PHTF2: variants seen among roughly 807,000 people sequenced by gnomAD.
The protein encoded by PHTF2 is protein PHTF2.
In PHTF2, 60 loss-of-function variants were observed where a neutral mutation model predicts 101.2. The ratio of observed to expected loss-of-function variants is 0.59; its 90% CI spans 0.48 to 0.73. PHTF2 has a LOEUF of 0.73. Ranked by LOEUF, PHTF2 falls within the 30% of genes least tolerant of loss-of-function variation. The pLI, the probability that PHTF2 is intolerant of heterozygous loss-of-function variation, is 0.00. For missense variants in PHTF2, 747 were observed against 908.7 expected (o/e 0.82, Z 2.29); for synonymous variants, 311 against 307.3 (o/e 1.01, Z -0.13).
rs191006484 is a variant in PHTF2, at chr7:77,814,896, G to A, written c.-36+15925G>A. ...TCATGACCAGCCTGGCCAACTTGGT[G>A]AAACCTTTTCTCTACTAAAAATACC... On this transcript the variant is annotated intron_variant, in intron 1 of 19. Coordinates refer to ENST00000416283, the Ensembl canonical transcript of PHTF2. Among the ~76,000 whole-genome samples, 72 of 152,070 alleles carry A rather than the reference G, an allele frequency of 4.7e-4. 1 individual carries two copies. Among genetic ancestry groups the A allele is most frequent in the Admixed American group, 4.7e-3 (72 of 15,270 alleles).
chr7:77,905,095 A>C (rs1328472754), intron 7 of PHTF2, among the ~76,000 whole-genome samples: 1 of 152,186 alleles, frequency 6.6e-6, no homozygotes, highest in Non-Finnish European at 1.5e-5. Flanking sequence ...AAGCCAAAAG[A>C]TTGGATACCC....
intron 1 of PHTF2, among the ~76,000 whole-genome samples, chr7:77,830,494 G>A (rs1186450215): frequency 6.6e-6 from 1 of 152,128 alleles, no homozygotes; most frequent in East Asian, 1.9e-4. Context: ...TCTGAGCTCT[G>A]CCTCCTGTCA....
At chr7:77,811,712 T>TACTA (rs1793456521) in intron 1 of PHTF2, among the ~76,000 whole-genome samples, 2 of 152,218 alleles carry the variant, frequency 1.3e-5, no homozygotes, top group Non-Finnish European at 2.9e-5. Context: ...AATCATCTGG[T>TACTA]ACTATCTCTG....
intron 1 of PHTF2, among the ~76,000 whole-genome samples, chr7:77,821,357 C>T (rs914448212): frequency 3.3e-5 from 5 of 152,250 alleles, no homozygotes; most frequent in South Asian, 2.1e-4. Context: ...TTGAGCTTCC[C>T]GGACCTAGAT....
chr7:77,926,285 C>T (rs1196810742), intron 11 of PHTF2, among the ~76,000 whole-genome samples: 1 of 152,150 alleles, frequency 6.6e-6, no homozygotes, highest in East Asian at 1.9e-4. Context: ...CTGTGCCTTG[C>T]TAATGAAAAC....
chr7:77,921,793 C>T (rs576703233), intron 10 of PHTF2, among the ~76,000 whole-genome samples: 121 of 152,172 alleles, frequency 8.0e-4, no homozygotes, highest in African/African-American at 2.7e-3. Context: ...CATTTAATTT[C>T]GTAATTTCTA....
At chr7:77,932,189 G>A (rs1408101388) in intron 12 of PHTF2, among the ~76,000 whole-genome samples, 4 of 152,196 alleles carry the variant, frequency 2.6e-5, no homozygotes, top group Non-Finnish European at 5.9e-5. Context: ...GTGTTTTGGT[G>A]TTGACTCCCT....
intron 8 of PHTF2, 64 bp from the exon 8 acceptor site, chr7:77,910,181 C>T (rs1374346388): frequency 7.2e-7 from 1 of 1,383,606 alleles, no homozygotes; most frequent in African/African-American, 1.5e-5. Flanking sequence ...TTTGATTGTA[C>T]TACTGAGAAA....
intron 1 of PHTF2, among the ~76,000 whole-genome samples, chr7:77,833,413 G>A (rs1795213561): frequency 6.6e-6 from 1 of 152,122 alleles, no homozygotes; most frequent in African/African-American, 2.4e-5. Context: ...TTGTTGGAAT[G>A]GAATAATAAT....
intron 3 of PHTF2, among the ~76,000 whole-genome samples, chr7:77,858,720 T>C (rs1797379126): frequency 6.6e-6 from 1 of 151,752 alleles, no homozygotes; most frequent in Non-Finnish European, 1.5e-5. Context: ...ATGACAGGAA[T>C]GATGATGATG....
At chr7:77,855,041 C>G (rs1797066336) in intron 3 of PHTF2, among the ~76,000 whole-genome samples, 1 of 152,228 alleles carries the variant, frequency 6.6e-6, no homozygotes, top group South Asian at 2.1e-4. Flanking sequence ...AGGAATCACT[C>G]TTTGTAGCCA....
At chr7:77,939,440 T>C (rs1043506819) in intron 13 of PHTF2, among the ~76,000 whole-genome samples, 1 of 151,906 alleles carries the variant, frequency 6.6e-6, no homozygotes, top group Non-Finnish European at 1.5e-5. Context: ...ACCCTGTCTT[T>C]ACATCTCTAC....
At chr7:77,856,283 A>T (rs531080411) in intron 3 of PHTF2, among the ~76,000 whole-genome samples, 1 of 152,230 alleles carries the variant, frequency 6.6e-6, no homozygotes, top group Non-Finnish European at 1.5e-5. Context: ...TCAGCCCTCC[A>T]GGTCTGTGGG....
intron 10 of PHTF2, among the ~76,000 whole-genome samples, chr7:77,921,900 A>G (rs1175801484): frequency 6.6e-6 from 1 of 151,890 alleles, no homozygotes; most frequent in Non-Finnish European, 1.5e-5. Flanking sequence ...GTAAACCATT[A>G]TTAAATTAGT....
intron 12 of PHTF2, among the ~76,000 whole-genome samples, chr7:77,935,131 AC>A (rs1384617567): frequency 1.4e-4 from 4 of 28,536 alleles, no homozygotes; most frequent in African/African-American, 2.4e-4. Flanking sequence ...CCCCCCCCCC[AC>A]ACACACACAC....
At chr7:77,927,561 G>C (rs953702048) in intron 11 of PHTF2, among the ~76,000 whole-genome samples, 3 of 152,086 alleles carry the variant, frequency 2.0e-5, no homozygotes, top group African/African-American at 4.8e-5. Flanking sequence ...ACGTGCCACT[G>C]CACTCCAGCC....
chr7:77,859,174 C>T (rs1406823940), intron 3 of PHTF2, among the ~76,000 whole-genome samples: 1 of 152,174 alleles, frequency 6.6e-6, no homozygotes, highest in Non-Finnish European at 1.5e-5. Flanking sequence ...GGATTTAAGT[C>T]TCATCTAAGT....
chr7:77,953,693 C>T, intron 18 of PHTF2, 76 bp from the exon 18 acceptor site: 1 of 1,259,418 alleles, frequency 7.9e-7, no homozygotes, highest in Non-Finnish European at 1.1e-6. Flanking sequence ...TTTTTTAATT[C>T]TCATTGTATA....
At chr7:77,923,467 T>C (rs1803671187) in intron 11 of PHTF2, 13 of 985,246 alleles carry the variant, frequency 1.3e-5, no homozygotes, top group Non-Finnish European at 1.6e-5. Context: ...AACAAACACA[T>C]GTTACGCTGT....
Sources: allele counts gnomAD v4.1 joint callset (sites outside exome capture counted in the v4.1 genomes callset), GRCh38; gene constraint gnomAD v4.1.1; transcripts MANE v1.5; gene names NCBI Gene and HGNC (gene_info 2026-07-23, HGNC 2026-07-21).